The following HSD17B12 variants were observed in gnomAD, a reference collection of about 807,000 sequenced individuals.
HSD17B12 encodes the protein hydroxysteroid 17-beta dehydrogenase 12, also known as very-long-chain 3-oxoacyl-CoA reductase.
HSD17B12 carries 32 observed loss-of-function variants against 39.3 expected under a neutral mutation model. That is an observed-to-expected ratio of 0.81 (90% CI 0.61 to 1.09). The LOEUF is 1.09. Ranked by LOEUF, HSD17B12 falls within the 50% of genes least tolerant of loss-of-function variation. The probability of loss-of-function intolerance (pLI) is 0.00; values close to 1 mark genes in which losing one functional copy is unlikely to be tolerated. For synonymous variants in HSD17B12, 150 were observed against 146.7 expected, an observed-to-expected ratio of 1.02 and a Z score of -0.16; for missense variants, 342 against 382.9, an observed-to-expected ratio of 0.89 and a Z score of 0.89.
chr11:43,652,462 C>T, the HSD17B12 span, among the ~76,000 whole-genome samples: 1 of 152,070 alleles, frequency 6.6e-6, no homozygotes, highest in Non-Finnish European at 1.5e-5. Flanking sequence ...CAATTCAATT[C>T]CGACACTATC....
the HSD17B12 span, among the ~76,000 whole-genome samples, chr11:43,563,938 G>A: frequency 6.6e-6 from 1 of 151,228 alleles, no homozygotes; most frequent in Non-Finnish European, 1.5e-5. Context: ...TTTTAGAGAT[G>A]AGGTCTTGCT....
At chr11:43,631,410 C>G in the HSD17B12 span, among the ~76,000 whole-genome samples, 2 of 152,126 alleles carry the variant, frequency 1.3e-5, no homozygotes, top group African/African-American at 4.8e-5. Flanking sequence ...AGAACATGTC[C>G]CATCCTAATA....
In HSD17B12 at chr11:43,771,939, CA is replaced by C. The variant is rs527969249; in HGVS notation, c.283+17822del. Among the ~76,000 whole-genome samples, 26 of 152,270 alleles carry C rather than the reference CA, an allele frequency of 1.7e-4. No homozygotes were observed. The South Asian group carries it at 5.4e-3, about 32-fold the overall frequency. On this transcript the variant is annotated intron_variant, in intron 3 of 10. Transcript: ENST00000278353. The stretch of plus-strand genomic sequence containing the variant: ...CTGTCACCTTAAAAACAAAACAAGA[CA>C]AAACCAAAAACATTTGATGAGACCT...
intron 3 of HSD17B12, among the ~76,000 whole-genome samples, chr11:43,754,401 C>T (rs767883065): frequency 4.0e-5 from 6 of 151,788 alleles, no homozygotes; most frequent in South Asian, 2.1e-4. Flanking sequence ...GGTGAAACCC[C>T]GTCTCTACTA....
Position 43,680,875 on chromosome 11 carries a change from G to A in HSD17B12, c.48G>A (p.Ala16=), listed in dbSNP as rs1949736382. ...PAAGFLYWVG[A]GTVAYLALRI... The stretch of plus-strand genomic sequence containing the variant: ...CCGGCTTCCTGTACTGGGTCGGCGC[G>A]GGCACCGTGGCCTACCTAGCCCTGC... The change falls in exon 1 of 11, where the codon GCG becomes GCA. Residue 16 remains alanine (A), a synonymous_variant. Coordinates refer to ENST00000278353, the MANE Select transcript of HSD17B12 (RefSeq NM_016142.3). 2 of 1,614,118 alleles carry A rather than the reference G, an allele frequency of 1.2e-6. No homozygotes were observed. Among genetic ancestry groups the A allele is most frequent in the Non-Finnish European group, 1.7e-6 (2 of 1,180,006 alleles).
intron 1 of HSD17B12, among the ~76,000 whole-genome samples, chr11:43,706,162 A>G (rs1950012874): frequency 2.0e-5 from 3 of 152,038 alleles, no homozygotes; most frequent in Admixed American, 2.0e-4. Context: ...GTGTGTATAA[A>G]TATGGCTTTA....
chr11:43,681,195 A>G, intron 1 of HSD17B12: 1 of 1,331,452 alleles, frequency 7.5e-7, no homozygotes, highest in South Asian at 1.8e-5. Flanking sequence ...TACGAAATAC[A>G]CTGCTCGCTC....
At chr11:43,630,954 G>A in the HSD17B12 span, among the ~76,000 whole-genome samples, 93 of 151,988 alleles carry the variant, frequency 6.1e-4, 2 homozygotes, top group East Asian at 0.016. Context: ...ACAGGTGTCC[G>A]CCACCACGCC....
intron 4 of HSD17B12, among the ~76,000 whole-genome samples, chr11:43,813,263 C>T (rs1409782932): frequency 6.6e-6 from 1 of 152,084 alleles, no homozygotes; most frequent in Admixed American, 6.6e-5. Context: ...GTCAACTGTG[C>T]TGCTTGCAAA....
intron 1 of HSD17B12, among the ~76,000 whole-genome samples, chr11:43,696,565 G>A (rs1457162555): frequency 6.6e-6 from 1 of 152,212 alleles, no homozygotes; most frequent in African/African-American, 2.4e-5. Context: ...TACACTGTTA[G>A]TGGGACTCTA....
chr11:43,562,924 G>A, the HSD17B12 span, among the ~76,000 whole-genome samples: 1 of 152,168 alleles, frequency 6.6e-6, no homozygotes, highest in Non-Finnish European at 1.5e-5. Flanking sequence ...AAGTGTGGGT[G>A]GGAGAAGATC....
chr11:43,571,054 C>T, the HSD17B12 span, among the ~76,000 whole-genome samples: 2 of 152,224 alleles, frequency 1.3e-5, no homozygotes, highest in Non-Finnish European at 2.9e-5. Flanking sequence ...CCATTCTTTA[C>T]TCTTGGCCTA....
the HSD17B12 span, among the ~76,000 whole-genome samples, chr11:43,619,164 G>T: frequency 2.6e-4 from 16 of 61,940 alleles, no homozygotes; most frequent in Admixed American, 7.9e-4. Flanking sequence ...GTATATATAT[G>T]ATATATATAT....
intron 4 of HSD17B12, among the ~76,000 whole-genome samples, chr11:43,814,234 G>T (rs1951100527): frequency 6.6e-6 from 1 of 151,852 alleles, no homozygotes; most frequent in South Asian, 2.1e-4. Flanking sequence ...TAAAAGCCTA[G>T]TCTCTGAAGT....
At chr11:43,791,602 G>C (rs751645361) in intron 3 of HSD17B12, among the ~76,000 whole-genome samples, 34 of 151,868 alleles carry the variant, frequency 2.2e-4, no homozygotes, top group Admixed American at 3.3e-4. Flanking sequence ...ACAAAATTCA[G>C]GTACTTCTGT....
chr11:43,672,242 G>A, the HSD17B12 span, among the ~76,000 whole-genome samples: 1 of 152,130 alleles, frequency 6.6e-6, no homozygotes, highest in Admixed American at 6.5e-5. Context: ...GTAGAGGCGG[G>A]ATTTCACCGT....
Position 43,754,069 on chromosome 11 carries a change from T to C in HSD17B12, c.231T>C (p.Val77=). The C allele has an allele frequency of 6.2e-7, 1 of 1,612,402 alleles. No individual in the cohort carries two copies. Among genetic ancestry groups the C allele is most frequent in the Non-Finnish European group, 8.5e-7 (1 of 1,178,894 alleles). The change falls in exon 3 of 11, where the codon GTT becomes GTC. Residue 77 remains valine, a synonymous_variant. Coordinates refer to ENST00000278353, the MANE Select transcript of HSD17B12 (RefSeq NM_016142.3). ...AEELAKHGMK[V]VLISRSKDKL... ...AGTTAGCAAAGCATGGAATGAAGGT[T>C]GTCCTTATCAGCAGATCAAAGGATA...
intron 3 of HSD17B12, among the ~76,000 whole-genome samples, chr11:43,781,270 A>G (rs1031007561): frequency 6.6e-6 from 1 of 152,226 alleles, no homozygotes; most frequent in Non-Finnish European, 1.5e-5. Context: ...TAAAGAAATT[A>G]TGGCATAGCT....
chr11:43,673,913 T>G, the HSD17B12 span, among the ~76,000 whole-genome samples: 3 of 152,206 alleles, frequency 2.0e-5, no homozygotes, highest in African/African-American at 7.2e-5. Flanking sequence ...CTTACTAGCT[T>G]TAAGCTTCTG....
Sources: gnomAD v4.1 joint callset for allele counts (sites outside exome capture counted in the v4.1 genomes callset) on GRCh38, gnomAD v4.1.1 for gene constraint, MANE v1.5 for transcripts, NCBI Gene and HGNC (gene_info 2026-07-23, HGNC 2026-07-21) for gene names.